The following CHCHD6 variants were observed in gnomAD, a reference collection of about 807,000 sequenced individuals.
CHCHD6 encodes MICOS complex subunit MIC25.
A neutral mutation model predicts 32.3 loss-of-function variants in CHCHD6; 28 were observed. The observed-to-expected ratio is 0.87, with a 90% CI of 0.64 to 1.19. The LOEUF (loss-of-function observed/expected upper bound fraction) is 1.19, where lower values mean the gene tolerates loss of function less well. CHCHD6 is among the 50% of genes most tolerant of loss of function. The pLI, the probability that CHCHD6 is intolerant of heterozygous loss-of-function variation, is 0.00. For synonymous variants in CHCHD6, 122 were observed against 117.5 expected, an observed-to-expected ratio of 1.04 and a Z score of -0.25; for missense variants, 333 against 307.0, an observed-to-expected ratio of 1.08 and a Z score of -0.63.
At chr3:126,878,722 T>G (rs566871059) in intron 5 of CHCHD6, among the ~76,000 whole-genome samples, 1 of 152,312 alleles carries the variant, frequency 6.6e-6, no homozygotes, top group African/African-American at 2.4e-5. Flanking sequence ...GATGAAAGAT[T>G]GTTGGGAAAT....
chr3:126,868,789 T>TA (rs901282313), intron 5 of CHCHD6, among the ~76,000 whole-genome samples: 27 of 152,222 alleles, frequency 1.8e-4, no homozygotes, highest in Admixed American at 6.5e-5. Context: ...TCCTACTAGG[T>TA]AAAAACCAGA....
At chr3:126,889,658 A>C (rs1056929700) in intron 5 of CHCHD6, among the ~76,000 whole-genome samples, 3 of 152,212 alleles carry the variant, frequency 2.0e-5, no homozygotes, top group African/African-American at 7.2e-5. Flanking sequence ...TTTATGATAC[A>C]GGAATCCTTG....
At chr3:126,896,369 C>G (rs547995437) in intron 5 of CHCHD6, among the ~76,000 whole-genome samples, 1 of 152,258 alleles carries the variant, frequency 6.6e-6, no homozygotes, top group South Asian at 2.1e-4. Flanking sequence ...TGAACTTTAT[C>G]TTAAAGATGT....
intron 5 of CHCHD6, among the ~76,000 whole-genome samples, chr3:126,881,721 G>T (rs1038503937): frequency 1.3e-5 from 2 of 152,176 alleles, no homozygotes; most frequent in African/African-American, 4.8e-5. Flanking sequence ...GCTGTGTTTT[G>T]TTGTATCTTT....
chr3:126,728,397 G>A (rs1236950729), intron 2 of CHCHD6, among the ~76,000 whole-genome samples: 1 of 152,240 alleles, frequency 6.6e-6, no homozygotes, highest in Non-Finnish European at 1.5e-5. Flanking sequence ...CAGGAGCGGA[G>A]GTCCGGCGAC....
chr3:126,860,746 A>G (rs1455632893), intron 5 of CHCHD6, among the ~76,000 whole-genome samples: 1 of 152,190 alleles, frequency 6.6e-6, no homozygotes, highest in Non-Finnish European at 1.5e-5. Flanking sequence ...GAAGTGAAAT[A>G]GCATATTGCT....
intron 5 of CHCHD6, among the ~76,000 whole-genome samples, chr3:126,871,822 C>T (rs868125451): frequency 3.9e-5 from 6 of 151,934 alleles, no homozygotes; most frequent in Admixed American, 6.6e-5. Flanking sequence ...CGCACCACCA[C>T]GCCTGGCTAA....
chr3:126,718,754 G>A (rs1317107722), intron 1 of CHCHD6, among the ~76,000 whole-genome samples: 5 of 152,182 alleles, frequency 3.3e-5, no homozygotes, highest in Non-Finnish European at 7.3e-5. Flanking sequence ...TGTGACCAGC[G>A]GGCCGTGGCA....
intron 4 of CHCHD6, among the ~76,000 whole-genome samples, chr3:126,846,246 C>G (rs1160683200): frequency 2.0e-5 from 3 of 152,122 alleles, no homozygotes; most frequent in Admixed American, 1.3e-4. Context: ...AGAGGTTGCC[C>G]AGTGCTAACA....
At chr3:126,834,772 T>C (rs1940785971) in intron 4 of CHCHD6, among the ~76,000 whole-genome samples, 2 of 152,084 alleles carry the variant, frequency 1.3e-5, no homozygotes, top group South Asian at 4.1e-4. Flanking sequence ...ACTTGGAAAT[T>C]GGACAGAACC....
chr3:126,857,857 T>C (rs1246071360), intron 5 of CHCHD6, among the ~76,000 whole-genome samples: 7 of 151,938 alleles, frequency 4.6e-5, no homozygotes, highest in African/African-American at 1.7e-4. Context: ...ATTGGTGGAG[T>C]GTAAGTTGGC....
At chr3:126,716,766 C>A (rs1302258746) in intron 1 of CHCHD6, among the ~76,000 whole-genome samples, 2 of 144,204 alleles carry the variant, frequency 1.4e-5, no homozygotes, top group East Asian at 2.0e-4. Context: ...ATAAGTGCTG[C>A]AAAGAAAGCA....
rs116574726 is a variant in CHCHD6, at chr3:126,909,182, C to T, written c.496-5498C>T. The stretch of plus-strand genomic sequence containing the variant: ...TGGTTAGGGGGTGTCTTTCAGGGCT[C>T]CAGTCCAAAAGTTGCTCTCCCCAAT... On this transcript the variant is annotated intron_variant, in intron 5 of 7. Transcript: ENST00000290913. 9.8e-3 allele frequency among the ~76,000 whole-genome samples: 1,493 copies of T among 152,324 alleles called. 27 individuals carry two copies. The highest frequency in any genetic ancestry group is 0.034 in the African/African-American group (1,405 of 41,558).
intron 4 of CHCHD6, among the ~76,000 whole-genome samples, chr3:126,767,811 T>C (rs1014089638): frequency 3.9e-5 from 6 of 152,152 alleles, no homozygotes; most frequent in African/African-American, 1.4e-4. Context: ...AGTGTTTTCA[T>C]TGTTTAGCTC....
At chr3:126,851,250 T>C (rs6807378) in intron 4 of CHCHD6, among the ~76,000 whole-genome samples, 14 of 152,334 alleles carry the variant, frequency 9.2e-5, no homozygotes, top group African/African-American at 2.9e-4. Flanking sequence ...CTGCTGGTGG[T>C]TCTGCAAGGT....
intron 5 of CHCHD6, among the ~76,000 whole-genome samples, chr3:126,863,879 C>CCACCTCCTCCTCCACCATCAA (rs1942098688): frequency 2.1e-5 from 3 of 143,768 alleles, no homozygotes; most frequent in Non-Finnish European, 4.6e-5. Context: ...TCCACCATCA[C>CCACCTCCTCCTCCACCATCAA]CACCTCCTCC....
chr3:126,912,324 C>T (rs368920841), intron 5 of CHCHD6, among the ~76,000 whole-genome samples: 2 of 152,284 alleles, frequency 1.3e-5, no homozygotes, highest in East Asian at 3.9e-4. Flanking sequence ...GTCTCTGTCC[C>T]TACCGCCTCG....
At chr3:126,755,129 A>G (rs1936901175) in intron 4 of CHCHD6, among the ~76,000 whole-genome samples, 1 of 152,246 alleles carries the variant, frequency 6.6e-6, no homozygotes, top group Non-Finnish European at 1.5e-5. Context: ...AAGCAGTGCC[A>G]GCCAAGAACA....
At chr3:126,726,068 G>T (rs1454239216) in intron 1 of CHCHD6, among the ~76,000 whole-genome samples, 1 of 152,200 alleles carries the variant, frequency 6.6e-6, no homozygotes. Context: ...CTAACTGTTA[G>T]GTGCAACAGG....
Sources: gnomAD v4.1 joint callset for allele counts (sites outside exome capture counted in the v4.1 genomes callset) on GRCh38, gnomAD v4.1.1 for gene constraint, MANE v1.5 for transcripts, NCBI Gene and HGNC (gene_info 2026-07-23, HGNC 2026-07-21) for gene names.